FAM120C: variants seen among roughly 807,000 people sequenced by gnomAD.
FAM120C encodes family with sequence similarity 120 member C, also known as constitutive coactivator of PPAR-gamma-like protein 2.
Under a neutral mutation model 71.2 loss-of-function variants are expected in FAM120C, and 14 were observed. The observed-to-expected ratio is 0.20, with a 90% confidence interval of 0.13 to 0.31. The LOEUF (loss-of-function observed/expected upper bound fraction) is 0.31, where lower values mean the gene tolerates loss of function less well. FAM120C is among the 10% of genes least tolerant of loss of function. The probability of loss-of-function intolerance (pLI) is 1.00; values close to 1 mark genes in which losing one functional copy is unlikely to be tolerated. For synonymous variants in FAM120C, 354 were observed against 353.2 expected, an observed-to-expected ratio of 1.00 and a Z score of -0.03; for missense variants, 500 against 879.0, an observed-to-expected ratio of 0.57 and a Z score of 5.45.
intron 13 of FAM120C, 104 bp from the exon 14 acceptor site, chrX:54,081,564 G>C (rs2066765299): frequency 4.6e-6 from 4 of 869,145 alleles, no homozygotes; most frequent in Non-Finnish European, 6.3e-6. Flanking sequence ...TTGAAGTCAG[G>C]AGTTCCAGAG....
At chrX:54,133,700 G>A in intron 8 of FAM120C, 73 bp downstream of exon 8, 3 of 1,073,823 alleles carry the variant, frequency 2.8e-6, no homozygotes, top group Non-Finnish European at 3.8e-6. Flanking sequence ...AATGTTCTCT[G>A]TAACTTACAG....
chrX:54,132,633 A>G, intron 9 of FAM120C, 59 bp downstream of exon 9: 1 of 1,017,769 alleles, frequency 9.8e-7, no homozygotes, highest in Non-Finnish European at 1.3e-6. Flanking sequence ...ATGTGCCTGG[A>G]CAGACATATC....
chrX:54,092,379 A>G (rs781880847), intron 10 of FAM120C, among the ~76,000 whole-genome samples: 2 of 110,687 alleles, frequency 1.8e-5, no homozygotes, highest in Non-Finnish European at 3.8e-5. Flanking sequence ...CCCTGTCTCT[A>G]CTAAAAATAA....
At chrX:54,178,061 T>G (rs1557136874) in intron 1 of FAM120C, among the ~76,000 whole-genome samples, 1 of 111,938 alleles carries the variant, frequency 8.9e-6, no homozygotes, top group Admixed American at 9.5e-5. Context: ...TCTGCTTCTT[T>G]AAGAATAATG....
In FAM120C at chrX:54,148,741, T is replaced by C. The variant is rs782005153; in HGVS notation, c.1158+2504A>G. Among the ~76,000 whole-genome samples, 4 of 111,863 alleles carry C rather than the reference T, an allele frequency of 3.6e-5. No homozygotes were observed. In the East Asian group the frequency reaches 1.1e-3, roughly 31 times the overall value. ...CTATTAGAACAGCTATAAAAAACAC[T>C]GACAATCTGTTGTATAACATGGCGG... On this transcript the variant is annotated intron_variant, in intron 4 of 15. Coordinates refer to ENST00000375180, the MANE Select transcript of FAM120C (RefSeq NM_017848.6).
At chrX:54,136,615 C>T (rs373291275) in intron 4 of FAM120C, 25 bp from the exon 5 acceptor site, 61 of 1,041,510 alleles carry the variant, frequency 5.9e-5, no homozygotes, top group Non-Finnish European at 8.0e-5. Flanking sequence ...ATCAGATTTT[C>T]AGAAGAAAAA....
At chrX:54,181,059 C>T (rs1363333538) in intron 1 of FAM120C, among the ~76,000 whole-genome samples, 6 of 106,693 alleles carry the variant, frequency 5.6e-5, no homozygotes, top group African/African-American at 2.1e-4. Context: ...AGATAGCTCA[C>T]GTTTGGATTA....
In FAM120C at chrX:54,183,077, C is replaced by T; in HGVS notation, c.122G>A (p.Arg41His). Residue 41 changes from arginine to histidine, a missense_variant, in exon 1 of 16, where the codon CGC becomes CAC. By Grantham distance (29) the Arg-to-His change is conservative. Coordinates refer to ENST00000375180, the MANE Select transcript of FAM120C (RefSeq NM_017848.6). ...TAGGGCTGCAGTCGGCGGCAGCTGG[C>T]GGTGCAAGTGCTGCTGCTGCTGCTG... ...SRQQQQQHLH[R>H]QLPPTAALAP... 1 of 1,157,033 alleles carries T rather than the reference C, an allele frequency of 8.6e-7. No homozygotes were observed.
Position 54,085,763 on chromosome X carries a change from T to C in FAM120C, c.2791A>G (p.Met931Val), listed in dbSNP as rs140976163. The C allele has an allele frequency of 4.4e-4, 528 of 1,209,294 alleles. 3 individuals carry two copies. The African/African-American group carries it at 7.3e-3, about 17-fold the overall frequency. Residue 931 changes from methionine to valine, a missense_variant, in exon 13 of 16, where the codon ATG becomes GTG. This residue lies in a region of FAM120C where 34 missense variants were observed against 45.2 expected (regional missense o/e 0.75). Transcript: ENST00000375180. ...TGAGGGGGAAGTGGCATGGAGCCCA[T>C]AGCTCGGGAATAAAGTGAAACAGGG... ...LYPVSLYSRAMGSMPLPPQGR... is the reference protein window; with the variant it reads ...LYPVSLYSRAVGSMPLPPQGR...
chrX:54,143,344 A>G (rs1557131953), intron 4 of FAM120C, among the ~76,000 whole-genome samples: 1 of 107,288 alleles, frequency 9.3e-6, no homozygotes, highest in Non-Finnish European at 1.9e-5. Flanking sequence ...TACAGACACA[A>G]AAAACCCTTC....
chrX:54,157,530 C>T (rs2067216250), intron 3 of FAM120C, among the ~76,000 whole-genome samples, 159 bp downstream of exon 3: 1 of 111,953 alleles, frequency 8.9e-6, no homozygotes. Context: ...GCTGGGATTA[C>T]AGGTGTGAGT....
Position 54,182,566 on chromosome X carries a change from G to A in FAM120C, c.633C>T (p.Ala211=). The part of the protein sequence containing the change: ...VGNKGTPPPR[A]WFLPPACLSH... ...TCAGGCAGGCCGGTGGCAGGAACCA[G>A]GCCCGCGGTGGAGGGGTGCCCTTGT... The change falls in exon 1 of 16, where the codon GCC becomes GCT. Residue 211 remains alanine (A), a synonymous_variant. Coordinates refer to ENST00000375180, the MANE Select transcript of FAM120C (RefSeq NM_017848.6). 8.3e-7 allele frequency: 1 copy of A among 1,210,036 alleles called. No homozygotes were observed. Among genetic ancestry groups the A allele is most frequent in the Non-Finnish European group, 1.1e-6 (1 of 895,242 alleles).
rs59427358 is a variant in FAM120C at position 54,080,626 on chromosome X, G to A, written c.2979-337C>T. Among the ~76,000 whole-genome samples, 1,064 of 109,750 alleles carry A rather than the reference G, an allele frequency of 9.7e-3. 13 individuals carry two copies. Among genetic ancestry groups the A allele is most frequent in the African/African-American group, 0.034 (1,024 of 30,152 alleles). On this transcript the variant is annotated intron_variant, in intron 14 of 15. Coordinates refer to ENST00000375180, the MANE Select transcript of FAM120C (RefSeq NM_017848.6). ...TGTAATCCCAGCACTTTGGGAGACC[G>A]AGGTGGGTGTATCACCTGAGGTCAG...
chrX:54,156,686 A>T, intron 3 of FAM120C, among the ~76,000 whole-genome samples: 1 of 108,782 alleles, frequency 9.2e-6, no homozygotes, highest in East Asian at 2.9e-4. Context: ...CAAGAGTTCG[A>T]GACCAGCCTC....
At chrX:54,126,431 T>C (rs782333107) in intron 9 of FAM120C, among the ~76,000 whole-genome samples, 1 of 111,917 alleles carries the variant, frequency 8.9e-6, no homozygotes, top group African/African-American at 3.2e-5. Flanking sequence ...AACCCACGTA[T>C]ATAGAGGGCC....
chrX:54,118,699 C>CTTTTTTTTTTTTT (rs1187381929), intron 9 of FAM120C, among the ~76,000 whole-genome samples: 1 of 31,728 alleles, frequency 3.2e-5, no homozygotes, highest in Non-Finnish European at 5.5e-5. Context: ...TTCTTTTTTT[C>CTTTTTTTTTTTTT]TTTTTTTTTT....
At position 54,182,881 on chromosome X, in the gene FAM120C, C is replaced by T; in HGVS notation, c.318G>A (p.Pro106=). ...QAQPGLHPPL[P]PPPPPQLPGA... ...CGGGCAGCTGAGGGGGCGGCGGCGG[C>T]GGCAGCGGAGGGTGCAGCCCGGGCT... Residue 106 remains proline (P), a synonymous_variant, in exon 1 of 16, where the codon CCG becomes CCA. Transcript: ENST00000375180. The T allele has an allele frequency of 1.8e-6, 2 of 1,137,318 alleles. No individual in the cohort carries two copies. The highest frequency in any genetic ancestry group is 6.1e-5 in the Admixed American group (2 of 32,790). The allele number at this position is 1,137,318 out of a possible 1,213,427, so 93.7% of individuals were successfully genotyped here. A position where few individuals can be genotyped will look rare whatever the true frequency, so the allele number is the denominator to read the frequency against.
At chrX:54,149,445 C>G (rs1557132771) in intron 4 of FAM120C, among the ~76,000 whole-genome samples, 1 of 111,142 alleles carries the variant, frequency 9.0e-6, no homozygotes, top group East Asian at 2.8e-4. Flanking sequence ...CGAAACCAGC[C>G]TGGCCAATAT....
chrX:54,131,481 G>A (rs1220857904), intron 9 of FAM120C, among the ~76,000 whole-genome samples: 4 of 104,828 alleles, frequency 3.8e-5, no homozygotes, highest in Admixed American at 2.1e-4. Context: ...TCTTGTTGCC[G>A]AGGCTGGAGT....
Sources: allele counts gnomAD v4.1 joint callset (sites outside exome capture counted in the v4.1 genomes callset), GRCh38; gene constraint gnomAD v4.1.1; regional missense constraint gnomAD v4.1.1; transcripts MANE v1.5; gene names NCBI Gene and HGNC (gene_info 2026-07-23, HGNC 2026-07-21).